CRIM1: variants seen among roughly 807,000 people sequenced by gnomAD.
The protein encoded by CRIM1 is cysteine rich transmembrane BMP regulator 1, also known as cysteine-rich motor neuron 1 protein.
A neutral mutation model predicts 116.4 loss-of-function variants in CRIM1; 32 were observed. That is an observed-to-expected ratio of 0.27 (90% CI 0.21 to 0.37). The LOEUF is 0.37. Among genes scored for constraint, CRIM1 ranks in the 10% least tolerant of loss-of-function variants. The pLI, the probability that CRIM1 is intolerant of heterozygous loss-of-function variation, is 1.00. For synonymous variants in CRIM1, 590 were observed against 509.2 expected, an observed-to-expected ratio of 1.16 and a Z score of -2.13; for missense variants, 1,331 against 1,354.8, an observed-to-expected ratio of 0.98 and a Z score of 0.28.
chr2:36,471,966 C>T (rs1391935050), intron 5 of CRIM1, among the ~76,000 whole-genome samples: 1 of 152,152 alleles, frequency 6.6e-6, no homozygotes, highest in Non-Finnish European at 1.5e-5. Flanking sequence ...TATCACCATC[C>T]ACCAATCAGT....
At chr2:36,546,140 G>A in intron 15 of CRIM1, among the ~76,000 whole-genome samples, 1 of 152,146 alleles carries the variant, frequency 6.6e-6, no homozygotes, top group East Asian at 1.9e-4. Context: ...TTGATACTGT[G>A]TGTCATGTGT....
chr2:36,357,302 G>A (rs1265008308), intron 1 of CRIM1, among the ~76,000 whole-genome samples: 1 of 152,168 alleles, frequency 6.6e-6, no homozygotes, highest in African/African-American at 2.4e-5. Context: ...GGTGGGGGTT[G>A]CACCTGGGAG....
intron 12 of CRIM1, among the ~76,000 whole-genome samples, chr2:36,517,934 T>C (rs1665138652): frequency 6.6e-6 from 1 of 152,328 alleles, no homozygotes; most frequent in Non-Finnish European, 1.5e-5. Flanking sequence ...TTATAAATAA[T>C]GTAAACAAAA....
rs904041846 is a variant in CRIM1, at chr2:36,364,380, T to C, written c.331+7757T>C. Among the ~76,000 whole-genome samples, 5 of 152,334 alleles carry C rather than the reference T, an allele frequency of 3.3e-5. No individual in the cohort carries two copies. In the East Asian group the frequency reaches 7.7e-4, roughly 23 times the overall value. ...TTTTTCAGCCAAAATAAATAAGATA[T>C]GGTCCTTGTTTTCACACAGGCCATG... is the stretch of plus-strand genomic sequence containing the variant. On this transcript the variant is annotated intron_variant, in intron 1 of 16. Transcript: ENST00000280527.
In CRIM1 at chr2:36,411,807, C is replaced by T. The variant is rs147033484; in HGVS notation, c.505+15020C>T. 6.1e-3 allele frequency among the ~76,000 whole-genome samples: 930 copies of T among 152,102 alleles called. 7 individuals carry two copies. The highest frequency in any genetic ancestry group is 0.021 in the African/African-American group (856 of 41,494). On this transcript the variant is annotated intron_variant, in intron 2 of 16. Transcript: ENST00000280527. ...GCACATTAGTTATAGACTCTTAACC[C>T]GTGAGATACATTCCAGTGGTTCGTT...
At position 36,367,536 on chromosome 2, in the gene CRIM1, A is replaced by G. The variant is rs564182767; in HGVS notation, c.331+10913A>G. On this transcript the variant is annotated intron_variant, in intron 1 of 16. Coordinates refer to ENST00000280527, the MANE Select transcript of CRIM1 (RefSeq NM_016441.3). ...ATTAAATAGTTACCTACCTCAAGAC[A>G]GGGGAACTGAATCAGATGATATCTT... is the stretch of plus-strand genomic sequence containing the variant. Among the ~76,000 whole-genome samples, 9 of 152,238 alleles carry G rather than the reference A, an allele frequency of 5.9e-5. No individual in the cohort carries two copies. In the East Asian group the frequency reaches 1.7e-3, roughly 29 times the overall value.
chr2:36,356,413 G>C lies in CRIM1; in HGVS notation c.121G>C (p.Asp41His). 6.2e-7 allele frequency: 1 copy of C among 1,609,932 alleles called. No homozygotes were observed. Among genetic ancestry groups the C allele is most frequent in the Non-Finnish European group, 8.5e-7 (1 of 1,179,338 alleles). The change falls in exon 1 of 17, where the codon GAC becomes CAC. Residue 41 changes from aspartate (D) to histidine (H), a missense_variant. Asp to His is a moderately conservative substitution (Grantham distance 81). Transcript: ENST00000280527. This position sits in a 1 kb window ranked among gnomAD's most constrained non-coding sequence, Gnocchi z 4.3. Reference sequence around the variant, plus strand: ...CCGGGCGCTGGTCTGCCTGCCCTGTGACGAGTCCAAGTGCGAGGAGCCCAG... The same window carrying C: ...CCGGGCGCTGGTCTGCCTGCCCTGTCACGAGTCCAAGTGCGAGGAGCCCAG... ...GTRALVCLPC[D>H]ESKCEEPRNC...
intron 1 of CRIM1, among the ~76,000 whole-genome samples, chr2:36,384,537 A>G (rs1671035433): frequency 6.6e-6 from 1 of 152,222 alleles, no homozygotes; most frequent in African/African-American, 2.4e-5. Flanking sequence ...TTTTTCAAAC[A>G]TGTTCTTAAG....
chr2:36,477,118 A>C, intron 6 of CRIM1, 47 bp downstream of exon 6: 1 of 1,429,862 alleles, frequency 7.0e-7, no homozygotes, highest in Non-Finnish European at 9.5e-7. Context: ...TACATGGTAT[A>C]GAGTTCTAAA....
chr2:36,417,127 G>T (rs1487613389), intron 2 of CRIM1, among the ~76,000 whole-genome samples: 8 of 152,186 alleles, frequency 5.3e-5, no homozygotes, highest in African/African-American at 1.7e-4. Flanking sequence ...AGATGTTGCA[G>T]TCCTTCCCTT....
chr2:36,522,012 G>T, intron 12 of CRIM1, 80 bp from the exon 13 acceptor site: 1 of 1,153,068 alleles, frequency 8.7e-7, no homozygotes, highest in Middle Eastern at 2.7e-4. Context: ...TCATGACTGG[G>T]TGTGCTTTGA....
chr2:36,364,999 T>C (rs766632626), intron 1 of CRIM1, among the ~76,000 whole-genome samples: 1 of 152,214 alleles, frequency 6.6e-6, no homozygotes, highest in African/African-American at 2.4e-5. Context: ...TGGGCACACA[T>C]TTCCTCCAAA....
chr2:36,530,292 A>G (rs781762555), intron 13 of CRIM1, among the ~76,000 whole-genome samples: 1 of 152,106 alleles, frequency 6.6e-6, no homozygotes, highest in Non-Finnish European at 1.5e-5. Context: ...ATCAGTCATC[A>G]TCTTCTGTCT....
chr2:36,456,242 G>A (rs1308506440), intron 4 of CRIM1, among the ~76,000 whole-genome samples: 1 of 152,054 alleles, frequency 6.6e-6, no homozygotes, highest in East Asian at 1.9e-4. Flanking sequence ...TAAACTTAGG[G>A]CCAGAACCCT....
In CRIM1 at chr2:36,409,258, A is replaced by G. The variant is rs183274304; in HGVS notation, c.505+12471A>G. ...TATTCTTTTAGTTTTTTTCCACCTC[A>G]GAAGCCCAGCATCATCTTTCTCTCG... On this transcript the variant is annotated intron_variant, in intron 2 of 16. Transcript: ENST00000280527. 4.0e-3 allele frequency among the ~76,000 whole-genome samples: 615 copies of G among 152,262 alleles called. 2 individuals carry two copies. The highest frequency in any genetic ancestry group is 7.2e-3 in the Non-Finnish European group (488 of 68,006).
intron 3 of CRIM1, 109 bp downstream of exon 3, chr2:36,441,609 C>A: frequency 7.2e-7 from 1 of 1,395,190 alleles, no homozygotes; most frequent in Non-Finnish European, 9.8e-7. Flanking sequence ...GGCCTTCTCA[C>A]CGGTGTCCTG....
chr2:36,441,481 C>T lies in CRIM1; in HGVS notation c.729C>T (p.Asp243=), dbSNP rs1675820720. The change falls in exon 3 of 17, where the codon GAC becomes GAT. Residue 243 remains aspartate (D), a synonymous_variant. Coordinates refer to ENST00000280527, the MANE Select transcript of CRIM1 (RefSeq NM_016441.3). Reference sequence around the variant, plus strand: ...CAGGGAAGCCGGGAGAGTGCTGTGACCTCTATGAGTGCAAACCAGGTATGC... The same window carrying T: ...CAGGGAAGCCGGGAGAGTGCTGTGATCTCTATGAGTGCAAACCAGGTATGC... The part of the protein sequence containing the change: ...KASGKPGECC[D]LYECKPVFGV... The T allele has an allele frequency of 6.2e-7, 1 of 1,611,604 alleles. No individual in the cohort carries two copies. The highest frequency in any genetic ancestry group is 1.3e-5 in the African/African-American group (1 of 74,934).
At chr2:36,532,394 T>G (rs1666178328) in intron 13 of CRIM1, among the ~76,000 whole-genome samples, 1 of 152,148 alleles carries the variant, frequency 6.6e-6, no homozygotes, top group Non-Finnish European at 1.5e-5. Context: ...AGGGAGAGAT[T>G]GTGAGGGGAG....
chr2:36,437,210 C>T (rs1675383507), intron 2 of CRIM1, among the ~76,000 whole-genome samples: 1 of 152,116 alleles, frequency 6.6e-6, no homozygotes, highest in Admixed American at 6.6e-5. Context: ...CGTATCTGTA[C>T]TAAAAATACA....
Sources: allele counts gnomAD v4.1 joint callset (sites outside exome capture counted in the v4.1 genomes callset), GRCh38; gene constraint gnomAD v4.1.1; non-coding constraint Gnocchi (gnomAD v3.1); transcripts MANE v1.5; gene names NCBI Gene and HGNC (gene_info 2026-07-23, HGNC 2026-07-21).